KAT8: variants seen among roughly 807,000 people sequenced by gnomAD.
The protein encoded by KAT8 is histone acetyltransferase KAT8.
Under a neutral mutation model 62.9 loss-of-function variants are expected in KAT8, and 40 were observed. The observed-to-expected ratio is 0.64, with a 90% CI of 0.49 to 0.83. KAT8 has a LOEUF of 0.83. Ranked by LOEUF, KAT8 falls within the 40% of genes least tolerant of loss-of-function variation. The pLI, the probability that KAT8 is intolerant of heterozygous loss-of-function variation, is 0.00. For missense variants in KAT8, 387 were observed against 614.8 expected, an observed-to-expected ratio of 0.63 and a Z score of 3.92; for synonymous variants, 278 against 254.5, an observed-to-expected ratio of 1.09 and a Z score of -0.88.
chr16:31,126,463 C>T (rs1800847100), intron 3 of KAT8: 2 of 157,536 alleles, frequency 1.3e-5, no homozygotes, highest in Non-Finnish European at 2.8e-5. Flanking sequence ...AGTTATGGGT[C>T]TTGGACACTG....
In KAT8 at chr16:31,125,274, C is replaced by A. The variant is rs2057524649; in HGVS notation, c.463-1761C>A. Reference sequence around the variant, plus strand: ...CTCACTAGTCCCCGAGGGTAAGGGACCTCACCTTGCCCTGCCTGTTTACTA... The same window carrying A: ...CTCACTAGTCCCCGAGGGTAAGGGAACTCACCTTGCCCTGCCTGTTTACTA... On this transcript the variant is annotated intron_variant, in intron 3 of 10. Coordinates refer to ENST00000219797, the MANE Select transcript of KAT8 (RefSeq NM_032188.3). Among the ~76,000 whole-genome samples, 2 of 151,850 alleles carry A rather than the reference C, an allele frequency of 1.3e-5. 1 individual carries two copies. The highest frequency in any genetic ancestry group is 1.3e-4 in the Admixed American group (2 of 15,250).
Position 31,117,907 on chromosome 16 carries a change from C to G in KAT8, c.211+15C>G. ...TAGCACCTGGCGTGAGGGCGGGGCC[C>G]AGGGCTGGGGGCGGGGCGGAGCTCA... On this transcript the variant is annotated intron_variant, in intron 1 of 10. Coordinates refer to ENST00000219797, the MANE Select transcript of KAT8 (RefSeq NM_032188.3). 1.5e-6 allele frequency: 2 copies of G among 1,305,842 alleles called. No individual in the cohort carries two copies. Among genetic ancestry groups the G allele is most frequent in the Non-Finnish European group, 2.0e-6 (2 of 1,017,062 alleles). The allele number at this position is 1,305,842 out of a possible 1,614,324, so 80.9% of individuals were successfully genotyped here. A position where few individuals can be genotyped will look rare whatever the true frequency, so the allele number is the denominator to read the frequency against.
At chr16:31,118,705 ACTT>A (rs1244182908) in intron 1 of KAT8, 1 of 151,960 alleles carries the variant, frequency 6.6e-6, no homozygotes, top group Non-Finnish European at 1.5e-5. Context: ...GGAGGGCAGC[ACTT>A]CTTGTGATTC....
Position 31,130,861 on chromosome 16 carries a change from C to T in KAT8, c.1273C>T (p.His425Tyr). ...ICVTPKLVEE[H>Y]LKSAQYKKPP... is the part of the protein sequence containing the mutation. ...TGTCACACCCAAGCTGGTGGAGGAG[C>T]ACCTCAAAAGTGCCCAGTATAAGAA... Residue 425 changes from histidine (H) to tyrosine (Y), a missense_variant, in exon 10 of 11, where the codon CAC (histidine) becomes TAC (tyrosine). Physicochemically the swap from His to Tyr is moderately conservative, Grantham distance 83. Around this residue, in one of 6 missense-constraint regions of KAT8, gnomAD observed 75 missense variants for 105.7 expected, o/e 0.71. Coordinates refer to ENST00000219797, the MANE Select transcript of KAT8 (RefSeq NM_032188.3). The T allele has an allele frequency of 6.2e-7, 1 of 1,613,240 alleles. No homozygotes were observed. Among genetic ancestry groups the T allele is most frequent in the Non-Finnish European group, 8.5e-7 (1 of 1,179,938 alleles).
At chr16:31,124,331 C>T (rs2057518657) in intron 3 of KAT8, among the ~76,000 whole-genome samples, 1 of 152,186 alleles carries the variant, frequency 6.6e-6, no homozygotes, top group Admixed American at 6.5e-5. Flanking sequence ...TTCAAAGGCT[C>T]ATTGTGAGGA....
At chr16:31,127,944 G>T in intron 5 of KAT8, 106 bp from the exon 6 acceptor site, 5 of 784,272 alleles carry the variant, frequency 6.4e-6, no homozygotes, top group Non-Finnish European at 1.1e-5. Context: ...GTGTTGAGGG[G>T]GGAAACAGAG....
intron 7 of KAT8, 28 bp from the exon 8 acceptor site, chr16:31,130,239 A>G (rs933111574): frequency 8.7e-6 from 14 of 1,613,174 alleles, no homozygotes; most frequent in Non-Finnish European, 1.1e-5. Context: ...GAGCCTCCCC[A>G]GCGGCCCTGA....
At chr16:31,126,570 C>T (rs1025014767) in intron 3 of KAT8, 38 of 172,178 alleles carry the variant, frequency 2.2e-4, no homozygotes, top group South Asian at 1.5e-3. Flanking sequence ...ATCTTGAGTC[C>T]GCTGTCCCTG....
intron 3 of KAT8, chr16:31,126,093 G>C (rs2057529768): frequency 6.6e-6 from 1 of 152,264 alleles, no homozygotes; most frequent in East Asian, 1.9e-4. Flanking sequence ...ACAAAGGATA[G>C]ATCACAAAGC....
intron 3 of KAT8, among the ~76,000 whole-genome samples, chr16:31,122,749 C>T (rs532144337): frequency 9.3e-5 from 14 of 149,772 alleles, no homozygotes; most frequent in African/African-American, 1.5e-4. Context: ...GGCGTGGTGG[C>T]GTGCACCTGT....
Position 31,117,768 on chromosome 16 carries a change from G to A in KAT8, c.87G>A (p.Ala29=). The A allele has an allele frequency of 4.3e-6, 6 of 1,379,380 alleles. No homozygotes were observed. Among genetic ancestry groups the A allele is most frequent in the Non-Finnish European group, 5.7e-6 (6 of 1,057,314 alleles). The allele number at this position is 1,379,380 out of a possible 1,614,324, so 85.4% of individuals were successfully genotyped here. A position where few individuals can be genotyped will look rare whatever the true frequency, so the allele number is the denominator to read the frequency against. The change falls in exon 1 of 11, where the codon GCG becomes GCA. Residue 29 remains alanine, a synonymous_variant. Transcript: ENST00000219797. The stretch of plus-strand genomic sequence containing the variant: ...GCGAGCCCGGGCCCGGGGAGAATGC[G>A]GCCGCTGAGGGGACCGCCCCATCCC... ...GEGEPGPGEN[A]AAEGTAPSPG...
intron 6 of KAT8, among the ~76,000 whole-genome samples, 176 bp from the exon 7 acceptor site, chr16:31,129,841 G>T (rs1312864117): frequency 6.6e-6 from 1 of 152,222 alleles, no homozygotes; most frequent in Non-Finnish European, 1.5e-5. Context: ...AAGTGCTGTT[G>T]CTCTCTCATT....
At position 31,130,909 on chromosome 16, in the gene KAT8, G is replaced by A. The variant is rs1244111507; in HGVS notation, c.1312+9G>A. ...GAAACCACCCATCACAGGTGGGTGG[G>A]GGGCTGCTGTGTGTCGGGGGCGGTG... On this transcript the variant is annotated intron_variant, in intron 10 of 10. Coordinates refer to ENST00000219797, the MANE Select transcript of KAT8 (RefSeq NM_032188.3). 4.3e-6 allele frequency: 7 copies of A among 1,610,646 alleles called. No individual in the cohort carries two copies. In the East Asian group the frequency reaches 1.3e-4, roughly 31 times the overall value.
chr16:31,129,879 C>CCGAA, intron 6 of KAT8, 138 bp from the exon 7 acceptor site: 1 of 943,306 alleles, frequency 1.1e-6, no homozygotes, highest in Non-Finnish European at 1.7e-6. Flanking sequence ...CAGAGGCTGA[C>CCGAA]CGAAGACTCC....
At chr16:31,126,818 A>C in intron 3 of KAT8, 1 of 519,672 alleles carries the variant, frequency 1.9e-6, no homozygotes, top group South Asian at 2.1e-5. Flanking sequence ...GACATCAGGG[A>C]TGTCTGGGAT....
At chr16:31,119,492 A>T (rs1297433081) in intron 1 of KAT8, among the ~76,000 whole-genome samples, 1 of 152,178 alleles carries the variant, frequency 6.6e-6, no homozygotes, top group African/African-American at 2.4e-5. Context: ...CAGAGCCAGC[A>T]CTCATGATCC....
In KAT8 at chr16:31,131,200, T is replaced by A; in HGVS notation, c.1318T>A (p.Ser440Thr). The change falls in exon 11 of 11, where the codon TCC becomes ACC. Residue 440 changes from serine (S) to threonine (T), a missense_variant. By Grantham distance (58) the Ser-to-Thr change is moderately conservative. Transcript: ENST00000219797. The stretch of plus-strand genomic sequence containing the variant: ...CCCGCCCCTTCTCCCCACAGTGGAC[T>A]CCGTCTGCCTCAAGTGGGCACCCCC... ...QYKKPPITVD[S>T]VCLKWAPPKH... 6.2e-7 allele frequency: 1 copy of A among 1,614,038 alleles called. No individual in the cohort carries two copies. Among genetic ancestry groups the A allele is most frequent in the Non-Finnish European group, 8.5e-7 (1 of 1,179,934 alleles).
intron 6 of KAT8, among the ~76,000 whole-genome samples, chr16:31,128,757 G>GT (rs1419482474): frequency 2.0e-5 from 3 of 152,226 alleles, no homozygotes; most frequent in Non-Finnish European, 4.4e-5. Flanking sequence ...AAAGGTGTTT[G>GT]TTTTTGCCTG....
At chr16:31,128,019 G>A (rs779547315) in intron 5 of KAT8, 31 bp from the exon 6 acceptor site, 1 of 1,565,942 alleles carries the variant, frequency 6.4e-7, no homozygotes, top group South Asian at 1.1e-5. Flanking sequence ...GAACATATGG[G>A]CAGCGAACCT....
Sources: allele counts gnomAD v4.1 joint callset (sites outside exome capture counted in the v4.1 genomes callset), GRCh38; gene constraint gnomAD v4.1.1; regional missense constraint gnomAD v4.1.1; transcripts MANE v1.5; gene names NCBI Gene and HGNC (gene_info 2026-07-23, HGNC 2026-07-21).